Variants in PDE10A observed in about 807,000 individuals in gnomAD.
The protein encoded by PDE10A is phosphodiesterase 10A.
A neutral mutation model predicts 97.7 loss-of-function variants in PDE10A; 39 were observed. The ratio of observed to expected loss-of-function variants is 0.40; its 90% CI spans 0.31 to 0.52. The LOEUF (loss-of-function observed/expected upper bound fraction) is 0.52, where lower values mean the gene tolerates loss of function less well. PDE10A is among the 20% of genes least tolerant of loss of function. PDE10A has a pLI of 0.56. For synonymous variants in PDE10A, 371 were observed against 376.8 expected (o/e 0.98, Z 0.18); for missense variants, 731 against 1,047.8 (o/e 0.70, Z 4.17).
At chr6:165,958,419 C>A (rs998720713) in intron 1 of PDE10A, among the ~76,000 whole-genome samples, 1 of 148,924 alleles carries the variant, frequency 6.7e-6, no homozygotes. Flanking sequence ...GAGCTGAGAT[C>A]GTGCCATTGC....
intron 1 of PDE10A, among the ~76,000 whole-genome samples, chr6:165,643,507 G>C (rs1033789994): frequency 6.6e-6 from 1 of 152,144 alleles, no homozygotes; most frequent in East Asian, 1.9e-4. Flanking sequence ...CCATAGTAAG[G>C]CTCTGAAGAA....
At chr6:165,432,094 T>C (rs1789616129) in intron 7 of PDE10A, among the ~76,000 whole-genome samples, 1 of 152,220 alleles carries the variant, frequency 6.6e-6, no homozygotes, top group African/African-American at 2.4e-5. Flanking sequence ...GGCACTATTC[T>C]AGGTGCTGGA....
At chr6:165,577,119 C>T (rs917049127) in intron 1 of PDE10A, among the ~76,000 whole-genome samples, 3 of 152,320 alleles carry the variant, frequency 2.0e-5, no homozygotes, top group African/African-American at 7.2e-5. Context: ...CCTGGAGTTG[C>T]CCTTCCTAAA....
intron 1 of PDE10A, chr6:165,948,092 CATACATATAT>C (rs1163915118): frequency 6.6e-6 from 1 of 151,694 alleles, no homozygotes; most frequent in East Asian, 1.9e-4. Flanking sequence ...TATATATACA[CATACATATAT>C]ATACATATAT....
chr6:165,802,856 G>A (rs1454131238), intron 1 of PDE10A, among the ~76,000 whole-genome samples: 1 of 152,154 alleles, frequency 6.6e-6, no homozygotes, highest in Non-Finnish European at 1.5e-5. Context: ...TGATCGCATG[G>A]TTTTCACTTA....
intron 1 of PDE10A, among the ~76,000 whole-genome samples, chr6:165,693,362 C>G (rs1007733997): frequency 6.6e-6 from 1 of 151,904 alleles, no homozygotes; most frequent in African/African-American, 2.4e-5. Context: ...GAAACTCTGT[C>G]TCTACTAAAA....
chr6:165,791,626 G>T (rs1778651721), intron 1 of PDE10A, among the ~76,000 whole-genome samples: 1 of 152,146 alleles, frequency 6.6e-6, no homozygotes, highest in Non-Finnish European at 1.5e-5. Context: ...CCTGGCTTAG[G>T]AGACACGGCT....
intron 1 of PDE10A, among the ~76,000 whole-genome samples, chr6:165,776,102 G>GA (rs780992972): frequency 1.1e-4 from 16 of 151,940 alleles, no homozygotes; most frequent in African/African-American, 2.4e-4. Flanking sequence ...CATTTGATGA[G>GA]AAAAAAAATA....
chr6:165,584,434 G>A (rs748951353), intron 1 of PDE10A, among the ~76,000 whole-genome samples: 6 of 152,028 alleles, frequency 3.9e-5, no homozygotes, highest in Non-Finnish European at 8.8e-5. Flanking sequence ...CCATAAAGAC[G>A]CAGGAGCCTT....
At chr6:165,422,276 TACAC>T (rs1219259467) in intron 10 of PDE10A, among the ~76,000 whole-genome samples, 1 of 151,244 alleles carries the variant, frequency 6.6e-6, no homozygotes, top group Non-Finnish European at 1.5e-5. Flanking sequence ...CACATACGCA[TACAC>T]ACACACGCAT....
intron 1 of PDE10A, among the ~76,000 whole-genome samples, chr6:165,734,991 T>C (rs1490940303): frequency 7.1e-6 from 1 of 141,170 alleles, no homozygotes; most frequent in Non-Finnish European, 1.5e-5. Flanking sequence ...GATAGATAGA[T>C]AGTAGGTAGG....
rs1262207659 is a variant in PDE10A at position 165,886,904 on chromosome 6, A to C, written c.-615+100625T>G. Among the ~76,000 whole-genome samples the C allele has an allele frequency of 3.3e-5, 5 of 152,352 alleles. No individual in the cohort carries two copies. In the South Asian group the frequency reaches 6.2e-4, roughly 19 times the overall value. The stretch of plus-strand genomic sequence containing the variant: ...ATCTTGAGTGAGAGTAAGTGGAAAC[A>C]ACAGAGAGGAGAATCTGTCACTCGA... On this transcript the variant is annotated intron_variant, in intron 1 of 19. Coordinates refer to the PDE10A transcript ENST00000366882.
intron 5 of PDE10A, among the ~76,000 whole-genome samples, chr6:165,447,699 C>T (rs1341057739): frequency 6.6e-6 from 1 of 152,088 alleles, no homozygotes; most frequent in Non-Finnish European, 1.5e-5. Flanking sequence ...AGAATACTAC[C>T]AGTGTCTGAA....
At chr6:165,716,260 A>G (rs1792024161) in intron 1 of PDE10A, among the ~76,000 whole-genome samples, 1 of 152,234 alleles carries the variant, frequency 6.6e-6, no homozygotes, top group Admixed American at 6.5e-5. Context: ...TGATGAACGC[A>G]CAGTATGATT....
chr6:165,796,228 C>T (rs1186829618), intron 1 of PDE10A, among the ~76,000 whole-genome samples: 7 of 151,526 alleles, frequency 4.6e-5, no homozygotes, highest in East Asian at 3.9e-4. Context: ...CCCAAGTAGC[C>T]GGGACTACAG....
chr6:165,377,755 C>T (rs576121704), intron 18 of PDE10A, among the ~76,000 whole-genome samples: 3 of 152,212 alleles, frequency 2.0e-5, no homozygotes, highest in African/African-American at 7.2e-5. Flanking sequence ...TGAACAAACA[C>T]CTGTTTCTAC....
chr6:165,380,757 G>A (rs192066307), intron 17 of PDE10A, among the ~76,000 whole-genome samples: 22 of 152,316 alleles, frequency 1.4e-4, no homozygotes, highest in Admixed American at 1.4e-3. Context: ...GCTGGTGGCT[G>A]AACTCAATAA....
chr6:165,337,845 T>C (rs1342046745), intron 20 of PDE10A, among the ~76,000 whole-genome samples: 1 of 152,138 alleles, frequency 6.6e-6, no homozygotes, highest in Non-Finnish European at 1.5e-5. Flanking sequence ...AGGAAAGAAA[T>C]TGTAGATCCC....
intron 13 of PDE10A, among the ~76,000 whole-genome samples, chr6:165,407,356 G>A (rs1334255748): frequency 1.3e-5 from 2 of 152,062 alleles, no homozygotes; most frequent in Non-Finnish European, 2.9e-5. Flanking sequence ...TGCCCTTGGG[G>A]AAATTATTTA....
Sources: gnomAD v4.1 joint callset for allele counts (sites outside exome capture counted in the v4.1 genomes callset) on GRCh38, gnomAD v4.1.1 for gene constraint, MANE v1.5 for transcripts, NCBI Gene and HGNC (gene_info 2026-07-23, HGNC 2026-07-21) for gene names.